MACROD2: variants seen among roughly 807,000 people sequenced by gnomAD.
MACROD2 encodes the protein ADP-ribose glycohydrolase MACROD2.
In MACROD2, 36 loss-of-function variants were observed where a neutral mutation model predicts 70.4. That is an observed-to-expected ratio of 0.51 (90% confidence interval 0.39 to 0.68). MACROD2 has a LOEUF of 0.68. Ranked by LOEUF, MACROD2 falls within the 30% of genes least tolerant of loss-of-function variation. MACROD2 has a pLI of 0.00. For missense variants in MACROD2, 496 were observed against 538.4 expected, an observed-to-expected ratio of 0.92 and a Z score of 0.78; for synonymous variants, 172 against 178.8, an observed-to-expected ratio of 0.96 and a Z score of 0.30.
At chr20:14,593,423 C>G (rs1044082820) in intron 4 of MACROD2, among the ~76,000 whole-genome samples, 1 of 152,118 alleles carries the variant, frequency 6.6e-6, no homozygotes, top group African/African-American at 2.4e-5. Flanking sequence ...ATATAATTAG[C>G]ATACTCAGTA....
At chr20:14,744,205 G>C (rs1038631601) in intron 5 of MACROD2, among the ~76,000 whole-genome samples, 4 of 152,116 alleles carry the variant, frequency 2.6e-5, no homozygotes, top group Non-Finnish European at 4.4e-5. Context: ...TATAAAGTGA[G>C]GTATATATAT....
At chr20:14,262,967 A>G (rs1429324078) in intron 3 of MACROD2, among the ~76,000 whole-genome samples, 1 of 152,212 alleles carries the variant, frequency 6.6e-6, no homozygotes, top group Non-Finnish European at 1.5e-5. Flanking sequence ...TTTAGTTTGG[A>G]TTGTAAGATG....
rs556831969 is a variant in MACROD2 at position 14,034,124 on chromosome 20, AC to A, written c.163+31722del. On this transcript the variant is annotated intron_variant, in intron 2 of 17. Transcript: ENST00000684519. Reference sequence around the variant, plus strand: ...CTAGTTGGGACTACAGGCGCCCGCCACCACACCAGGCTAATTTCTTTTTGTA... The same window carrying A: ...CTAGTTGGGACTACAGGCGCCCGCCACACACCAGGCTAATTTCTTTTTGTA... Among the ~76,000 whole-genome samples the A allele has an allele frequency of 7.7e-3, 1,167 of 152,236 alleles. 18 individuals are homozygous for A. The highest frequency in any genetic ancestry group is 0.026 in the African/African-American group (1,073 of 41,534).
At chr20:15,179,721 C>G (rs1191194054) in intron 5 of MACROD2, among the ~76,000 whole-genome samples, 1 of 152,206 alleles carries the variant, frequency 6.6e-6, no homozygotes, top group Non-Finnish European at 1.5e-5. Flanking sequence ...CTATGAATTA[C>G]AGCATGCTGC....
At chr20:15,463,627 T>C (rs981451449) in intron 7 of MACROD2, among the ~76,000 whole-genome samples, 2 of 151,996 alleles carry the variant, frequency 1.3e-5, no homozygotes, top group Non-Finnish European at 2.9e-5. Context: ...TGCAGGCCTG[T>C]ACTCCCAGCT....
At chr20:15,816,213 A>G (rs1384587584) in intron 8 of MACROD2, among the ~76,000 whole-genome samples, 3 of 152,132 alleles carry the variant, frequency 2.0e-5, no homozygotes, top group Non-Finnish European at 4.4e-5. Context: ...CAATGAATTG[A>G]TATATTGCAA....
chr20:15,633,221 T>G (rs2049317286), intron 8 of MACROD2, among the ~76,000 whole-genome samples: 2 of 46,294 alleles, frequency 4.3e-5, no homozygotes, highest in African/African-American at 2.3e-4. Flanking sequence ...GAGGACTAGT[T>G]TTTTTTTTAT....
chr20:14,675,173 G>A (rs995795677), intron 4 of MACROD2, among the ~76,000 whole-genome samples: 2 of 152,136 alleles, frequency 1.3e-5, no homozygotes, highest in African/African-American at 4.8e-5. Flanking sequence ...AGAAAGACAG[G>A]CCAACATTCA....
At chr20:15,940,016 T>G (rs189008400) in intron 12 of MACROD2, among the ~76,000 whole-genome samples, 24 of 152,258 alleles carry the variant, frequency 1.6e-4, no homozygotes, top group African/African-American at 5.5e-4. Context: ...TGCATCTTAT[T>G]TATTAAGAAA....
chr20:16,017,582 C>A (rs1319587822), intron 15 of MACROD2, among the ~76,000 whole-genome samples: 1 of 152,200 alleles, frequency 6.6e-6, no homozygotes, highest in East Asian at 1.9e-4. Context: ...TTCTCTCCCT[C>A]CTTCTCCACT....
chr20:15,964,985 T>G (rs2066118707), intron 12 of MACROD2, among the ~76,000 whole-genome samples: 1 of 152,192 alleles, frequency 6.6e-6, no homozygotes, highest in African/African-American at 2.4e-5. Flanking sequence ...ATGACATCCT[T>G]GTCATCACAT....
chr20:15,592,871 G>T (rs2048697059), intron 8 of MACROD2, among the ~76,000 whole-genome samples: 1 of 152,052 alleles, frequency 6.6e-6, no homozygotes, highest in Non-Finnish European at 1.5e-5. Flanking sequence ...TTCTCTTCTT[G>T]TCAGCCTTTG....
chr20:14,805,824 C>A (rs1414619054), intron 5 of MACROD2, among the ~76,000 whole-genome samples: 1 of 151,974 alleles, frequency 6.6e-6, no homozygotes, highest in Admixed American at 6.6e-5. Context: ...TGAACCCTAG[C>A]AAGTGTTTGC....
At chr20:14,511,320 AC>A (rs1410333433) in intron 4 of MACROD2, among the ~76,000 whole-genome samples, 2 of 152,032 alleles carry the variant, frequency 1.3e-5, no homozygotes, top group African/African-American at 4.8e-5. Flanking sequence ...GGGGATGGAC[AC>A]CCCATTCTCC....
chr20:15,226,491 A>G (rs1387263899), intron 5 of MACROD2, among the ~76,000 whole-genome samples: 3 of 152,228 alleles, frequency 2.0e-5, no homozygotes, highest in Non-Finnish European at 2.9e-5. Context: ...GCATCCATGT[A>G]TATTACATAT....
At chr20:15,274,607 G>A (rs1434032801) in intron 6 of MACROD2, among the ~76,000 whole-genome samples, 1 of 152,194 alleles carries the variant, frequency 6.6e-6, no homozygotes, top group Admixed American at 6.5e-5. Flanking sequence ...TTTCTCTTAA[G>A]TTGTGCTGGA....
chr20:14,362,439 G>C (rs974642965), intron 3 of MACROD2, among the ~76,000 whole-genome samples: 4 of 152,150 alleles, frequency 2.6e-5, no homozygotes, highest in African/African-American at 9.7e-5. Context: ...CAGTGAGCAA[G>C]ACAGTTTTTA....
At chr20:15,806,187 C>T (rs538649907) in intron 8 of MACROD2, among the ~76,000 whole-genome samples, 7 of 152,270 alleles carry the variant, frequency 4.6e-5, no homozygotes, top group South Asian at 2.1e-4. Flanking sequence ...ATAAAAAACA[C>T]GAGCTTTTCT....
chr20:14,154,275 A>C (rs2055062629), intron 3 of MACROD2, among the ~76,000 whole-genome samples: 1 of 152,100 alleles, frequency 6.6e-6, no homozygotes. Context: ...TTGTTGCTGA[A>C]TGATAATTTT....
Sources: allele counts gnomAD v4.1 joint callset (sites outside exome capture counted in the v4.1 genomes callset), GRCh38; gene constraint gnomAD v4.1.1; transcripts MANE v1.5; gene names NCBI Gene and HGNC (gene_info 2026-07-23, HGNC 2026-07-21).